Variants in ZNF462 observed in about 807,000 individuals in gnomAD.
ZNF462 encodes zinc finger PBX1-interacting protein.
ZNF462 carries 10 observed loss-of-function variants against 201.9 expected under a neutral mutation model. That is an observed-to-expected ratio of 0.05 (90% CI 0.03 to 0.08). The LOEUF (loss-of-function observed/expected upper bound fraction) is 0.08, where lower values mean the gene tolerates loss of function less well. ZNF462 is among the 10% of genes least tolerant of loss of function. ZNF462 has a pLI of 1.00. For missense variants in ZNF462, 2,523 were observed against 3,168.3 expected, an observed-to-expected ratio of 0.80 and a Z score of 4.89; for synonymous variants, 1,227 against 1,193.3, an observed-to-expected ratio of 1.03 and a Z score of -0.58.
chr9:106,956,533 T>C (rs186425886), intron 7 of ZNF462, among the ~76,000 whole-genome samples: 12 of 152,292 alleles, frequency 7.9e-5, no homozygotes, highest in Admixed American at 3.3e-4. Context: ...TGCATTAGTC[T>C]GTACCAAGAG....
At chr9:106,862,820 C>G (rs946795052), upstream of ZNF462, among the ~76,000 whole-genome samples, 1 of 152,166 alleles carries the variant, frequency 6.6e-6, no homozygotes, top group Non-Finnish European at 1.5e-5. The surrounding 1 kb of genome is among the most constrained non-coding windows in gnomAD (Gnocchi z 4.2). Context: ...TTTCCCCTAG[C>G]CTTTTTCCTC....
chr9:106,945,204 TGTAAG>T (rs1831052206), intron 7 of ZNF462, among the ~76,000 whole-genome samples: 1 of 152,322 alleles, frequency 6.6e-6, no homozygotes, highest in East Asian at 1.9e-4. Context: ...ATATATGAAA[TGTAAG>T]GTATCAGATG....
chr9:106,888,403 C>T (rs1402101825), intron 1 of ZNF462, among the ~76,000 whole-genome samples: 2 of 152,172 alleles, frequency 1.3e-5, no homozygotes, highest in Non-Finnish European at 2.9e-5. Context: ...TACGAACTGA[C>T]AATACTTTGC....
At chr9:106,874,989 G>A (rs1294436779) in intron 1 of ZNF462, among the ~76,000 whole-genome samples, 6 of 152,208 alleles carry the variant, frequency 3.9e-5, no homozygotes, top group Non-Finnish European at 7.3e-5. Context: ...GCTTAATTAG[G>A]TGGTGATTGC....
At position 106,905,784 on chromosome 9, in the gene ZNF462, C is replaced by T. The variant is rs114978561; in HGVS notation, c.-30-17570C>T. Among the ~76,000 whole-genome samples, 3 of 152,008 alleles carry T rather than the reference C, an allele frequency of 2.0e-5. No individual in the cohort carries two copies. Among genetic ancestry groups the T allele is most frequent in the Non-Finnish European group, 4.4e-5 (3 of 68,004 alleles). ...CCCGAGTCTGTTTCCAGGTGGAGGG[C>T]GAGATGGGCTTGAAAATTTCTCTGA... On this transcript the variant is annotated intron_variant, in intron 1 of 12. Coordinates refer to ENST00000277225, the MANE Select transcript of ZNF462 (RefSeq NM_021224.6). The surrounding 1 kb of genome is among the most constrained non-coding windows in gnomAD (Gnocchi z 5.9).
chr9:106,976,834 G>C (rs571315853), intron 9 of ZNF462, among the ~76,000 whole-genome samples: 4 of 152,256 alleles, frequency 2.6e-5, no homozygotes, highest in South Asian at 2.1e-4. Flanking sequence ...TATCCCCCAT[G>C]ATGAGGAAAT....
At chr9:106,874,105 A>G (rs569342193) in intron 1 of ZNF462, among the ~76,000 whole-genome samples, 1 of 152,360 alleles carries the variant, frequency 6.6e-6, no homozygotes, top group East Asian at 1.9e-4. Context: ...ATAAAGGACT[A>G]AAATAGAAAA....
Position 106,938,773 on chromosome 9 carries a change from G to A in ZNF462, c.6236-143G>A. 1 of 778,134 alleles carries A rather than the reference G, an allele frequency of 1.3e-6. No individual in the cohort carries two copies. Among genetic ancestry groups the A allele is most frequent in the Non-Finnish European group, 2.0e-6 (1 of 501,992 alleles). 48.2% of individuals were successfully genotyped at this position (778,134 alleles called of 1,614,324 possible). ...GTACTGTGGTTGTGGCAGGTTGTTG[G>A]TCTGTGAGGTTCGTTCATAGAACAT... On this transcript the variant is annotated intron_variant, in intron 6 of 12. Coordinates refer to ENST00000277225, the MANE Select transcript of ZNF462 (RefSeq NM_021224.6). This position sits in a 1 kb window ranked among gnomAD's most constrained non-coding sequence, Gnocchi z 4.4.
At chr9:106,937,520 A>G (rs1175931693) in intron 6 of ZNF462, among the ~76,000 whole-genome samples, 2 of 152,150 alleles carry the variant, frequency 1.3e-5, no homozygotes, top group African/African-American at 4.8e-5. Flanking sequence ...TGAGTTTTAA[A>G]TGTCACCTTA....
chr9:106,980,460 C>T, intron 9 of ZNF462, among the ~76,000 whole-genome samples: 1 of 152,112 alleles, frequency 6.6e-6, no homozygotes, highest in East Asian at 1.9e-4. Context: ...GTGTGCCTTT[C>T]AGGAAGGATT....
chr9:106,909,921 T>C (rs1200080915), intron 1 of ZNF462, among the ~76,000 whole-genome samples: 1 of 152,178 alleles, frequency 6.6e-6, no homozygotes, highest in Non-Finnish European at 1.5e-5. Context: ...ATATTTTGTT[T>C]TGCTTTGTTT....
chr9:106,964,916 C>T (rs1832001753), intron 7 of ZNF462, among the ~76,000 whole-genome samples: 1 of 152,036 alleles, frequency 6.6e-6, no homozygotes, highest in Non-Finnish European at 1.5e-5. Flanking sequence ...TGGTGTACAG[C>T]ATCAGCCTAG....
intron 1 of ZNF462, among the ~76,000 whole-genome samples, chr9:106,866,549 G>A (rs949549698): frequency 3.3e-5 from 5 of 152,098 alleles, no homozygotes; most frequent in Non-Finnish European, 5.9e-5. Context: ...TTCAGTTGAC[G>A]TGTATGCTTA....
Position 106,929,618 on chromosome 9 carries a change from A to G in ZNF462, c.5706A>G (p.Gln1902=), listed in dbSNP as rs747786821. Residue 1902 remains glutamine, a synonymous_variant, in exon 3 of 13, where the codon CAA becomes CAG. Coordinates refer to ENST00000277225, the MANE Select transcript of ZNF462 (RefSeq NM_021224.6). This position sits in a 1 kb window ranked among gnomAD's most constrained non-coding sequence, Gnocchi z 8.7. ...YQCKHCDSKL[Q]STAELTSHLN... ...GTAAGCACTGTGATAGCAAACTGCAAAGCACAGCCGAGCTGACCTCACACT... is the reference window on the plus strand; with the variant it reads ...GTAAGCACTGTGATAGCAAACTGCAGAGCACAGCCGAGCTGACCTCACACT... 1 of 1,614,222 alleles carries G rather than the reference A, an allele frequency of 6.2e-7. No individual in the cohort carries two copies. The highest frequency in any genetic ancestry group is 1.7e-5 in the Admixed American group (1 of 60,030).
At position 106,939,126 on chromosome 9, in the gene ZNF462, G is replaced by C. The variant is rs1275646450; in HGVS notation, c.6427+19G>C. On this transcript the variant is annotated intron_variant, in intron 7 of 12. Transcript: ENST00000277225. Reference sequence around the variant, plus strand: ...TCCAATGGTAAAAATGGGCTTCCAAGCTGGAATTAACCACTCAGGGTTGAG... The same window carrying C: ...TCCAATGGTAAAAATGGGCTTCCAACCTGGAATTAACCACTCAGGGTTGAG... 6.4e-7 allele frequency: 1 copy of C among 1,568,234 alleles called. No individual in the cohort carries two copies. The highest frequency in any genetic ancestry group is 1.4e-5 in the African/African-American group (1 of 73,454).
intron 1 of ZNF462, among the ~76,000 whole-genome samples, chr9:106,864,051 T>TCTCTCTCC (rs1827185637): frequency 1.9e-5 from 1 of 52,658 alleles, no homozygotes; most frequent in Non-Finnish European, 4.0e-5. Context: ...TCTCTCTCTC[T>TCTCTCTCC]CTCTCTCTCT....
In ZNF462 at chr9:106,873,099, A is replaced by G. The variant is rs553616206; in HGVS notation, c.-31+9744A>G. The stretch of plus-strand genomic sequence containing the variant: ...CTTGGTTATTACTTAGTCTGCTAAT[A>G]GCTTATGTTCTTGATGGTTTATCTC... On this transcript the variant is annotated intron_variant, in intron 1 of 12. Coordinates refer to ENST00000277225, the MANE Select transcript of ZNF462 (RefSeq NM_021224.6). Among the ~76,000 whole-genome samples the G allele has an allele frequency of 2.6e-5, 4 of 152,302 alleles. No homozygotes were observed. In the South Asian group the frequency reaches 8.3e-4, roughly 32 times the overall value.
Position 107,009,733 on chromosome 9 carries a change from C to A in ZNF462, c.7313+65C>A. 6.3e-7 allele frequency: 1 copy of A among 1,594,902 alleles called. No homozygotes were observed. The highest frequency in any genetic ancestry group is 1.3e-5 in the African/African-American group (1 of 74,682). On this transcript the variant is annotated intron_variant, in intron 12 of 12. Transcript: ENST00000277225. This position sits in a 1 kb window ranked among gnomAD's most constrained non-coding sequence, Gnocchi z 6.1. ...AGAGGTAGGGAGGGAGGGAGGGGCTCTTGTTTTGGTTCCCCTGACAGTATG... is the reference window on the plus strand; with the variant it reads ...AGAGGTAGGGAGGGAGGGAGGGGCTATTGTTTTGGTTCCCCTGACAGTATG...
At chr9:106,904,063 G>A (rs1829167479) in intron 1 of ZNF462, among the ~76,000 whole-genome samples, 1 of 152,068 alleles carries the variant, frequency 6.6e-6, no homozygotes, top group Non-Finnish European at 1.5e-5. Flanking sequence ...ATTCTGTTTT[G>A]ATGTGTTTCC....
Sources: allele counts gnomAD v4.1 joint callset (sites outside exome capture counted in the v4.1 genomes callset), GRCh38; gene constraint gnomAD v4.1.1; non-coding constraint Gnocchi (gnomAD v3.1); transcripts MANE v1.5; gene names NCBI Gene and HGNC (gene_info 2026-07-23, HGNC 2026-07-21).